ANK3: variants seen among roughly 807,000 people sequenced by gnomAD.
ANK3 encodes ankyrin-3.
In ANK3, 57 loss-of-function variants were observed where a neutral mutation model predicts 370.9. That is an observed-to-expected ratio of 0.15 (90% CI 0.12 to 0.19). ANK3 has a LOEUF of 0.19. Ranked by LOEUF, ANK3 falls within the 10% of genes least tolerant of loss-of-function variation. The pLI is 1.00. For synonymous variants in ANK3, 1,929 were observed against 1,946.3 expected, an observed-to-expected ratio of 0.99 and a Z score of 0.23; for missense variants, 4,439 against 5,302.1, an observed-to-expected ratio of 0.84 and a Z score of 5.06.
chr10:60,300,891 A>G (rs1328965062), intron 1 of ANK3, among the ~76,000 whole-genome samples: 1 of 152,052 alleles, frequency 6.6e-6, no homozygotes, highest in Non-Finnish European at 1.5e-5. Context: ...TCTAATGAAT[A>G]TATGTCTGCG....
At chr10:60,670,093 G>A (rs2079047086) in intron 1 of ANK3, among the ~76,000 whole-genome samples, 1 of 152,088 alleles carries the variant, frequency 6.6e-6, no homozygotes, top group Non-Finnish European at 1.5e-5. Flanking sequence ...CCAAAGTGCA[G>A]GATTACAGGC....
At chr10:60,190,928 C>G (rs183529024) in intron 16 of ANK3, among the ~76,000 whole-genome samples, 5 of 152,152 alleles carry the variant, frequency 3.3e-5, no homozygotes, top group Admixed American at 1.3e-4. Flanking sequence ...ACAAGAAAAG[C>G]CACATTCCTC....
At chr10:60,389,357 CA>C (rs1281503028) in intron 1 of ANK3, 67 bp downstream of exon 1, 3 of 1,452,934 alleles carry the variant, frequency 2.1e-6, no homozygotes, top group South Asian at 1.2e-5. Context: ...ATGCTTCTAA[CA>C]GATGCCAGAG....
chr10:60,291,640 G>A (rs2041423950), intron 1 of ANK3, among the ~76,000 whole-genome samples: 1 of 152,044 alleles, frequency 6.6e-6, no homozygotes, highest in South Asian at 2.1e-4. Flanking sequence ...CAAAGACGGA[G>A]CAGTGTTAAT....
intron 1 of ANK3, among the ~76,000 whole-genome samples, chr10:60,695,533 G>C (rs2079434119): frequency 6.6e-6 from 1 of 152,102 alleles, no homozygotes; most frequent in South Asian, 2.1e-4. Context: ...TAAAAGAACA[G>C]AAATTATAAC....
chr10:60,412,593 C>T (rs1412773318), intron 2 of ANK3, among the ~76,000 whole-genome samples: 1 of 152,170 alleles, frequency 6.6e-6, no homozygotes, highest in African/African-American at 2.4e-5. Context: ...GGTTCTGTTT[C>T]TCCAGAACAC....
chr10:60,069,360 T>G lies in ANK3; in HGVS notation c.11521A>C (p.Arg3841=). 1 of 1,614,120 alleles carries G rather than the reference T, an allele frequency of 6.2e-7. No homozygotes were observed. Among genetic ancestry groups the G allele is most frequent in the Non-Finnish European group, 8.5e-7 (1 of 1,180,028 alleles). Residue 3841 remains arginine, a synonymous_variant, in exon 37 of 44, where the codon AGA becomes CGA. Coordinates refer to ENST00000280772, the MANE Select transcript of ANK3 (RefSeq NM_020987.5). ...TCTCCAAGAACTTTCTGCTTATCTCTTACACAGTGTCCTTGTAGTACCCCT... is the reference window on the plus strand; with the variant it reads ...TCTCCAAGAACTTTCTGCTTATCTCGTACACAGTGTCCTTGTAGTACCCCT... ...KTGVLQGHCV[R]DKQKVLGEQQ...
intron 1 of ANK3, among the ~76,000 whole-genome samples, chr10:60,362,999 G>A (rs1406383102): frequency 2.8e-5 from 4 of 142,024 alleles, no homozygotes; most frequent in East Asian, 2.1e-4. Context: ...TTCCCAAGCC[G>A]TTTTCTTTTG....
intron 2 of ANK3, among the ~76,000 whole-genome samples, chr10:60,455,201 T>TA (rs1365508727): frequency 1.4e-4 from 21 of 152,320 alleles, no homozygotes; most frequent in Admixed American, 9.2e-4. Flanking sequence ...TTAGTGAGAA[T>TA]AATAAGGTTG....
intron 2 of ANK3, among the ~76,000 whole-genome samples, chr10:60,455,455 T>C (rs1251359099): frequency 6.6e-6 from 1 of 152,220 alleles, no homozygotes; most frequent in African/African-American, 2.4e-5. Context: ...CAACAAATAA[T>C]AACGCACTAG....
intron 25 of ANK3, among the ~76,000 whole-genome samples, chr10:60,118,995 T>G (rs2093299262): frequency 6.6e-6 from 1 of 152,208 alleles, no homozygotes; most frequent in East Asian, 1.9e-4. Context: ...TCATTGAAGC[T>G]TTGTTGTAAC....
chr10:60,300,450 T>C, intron 1 of ANK3: 1 of 1,286,332 alleles, frequency 7.8e-7, no homozygotes, highest in Non-Finnish European at 1.0e-6. Context: ...AATGTAAAGG[T>C]TTCCCCCACT....
chr10:60,272,776 CT>C (rs66866154), intron 4 of ANK3, among the ~76,000 whole-genome samples: 85 of 96,132 alleles, frequency 8.8e-4, no homozygotes, highest in Non-Finnish European at 1.0e-3. Flanking sequence ...CCACACCCAC[CT>C]TTTTTTTTTT....
At chr10:60,130,449 C>T (rs1378354688) in intron 25 of ANK3, among the ~76,000 whole-genome samples, 1 of 152,166 alleles carries the variant, frequency 6.6e-6, no homozygotes, top group Non-Finnish European at 1.5e-5. Flanking sequence ...TTCACCTTTA[C>T]TTGTCAGGGC....
At chr10:60,330,336 T>C (rs1330433017) in intron 1 of ANK3, among the ~76,000 whole-genome samples, 1 of 152,140 alleles carries the variant, frequency 6.6e-6, no homozygotes, top group Non-Finnish European at 1.5e-5. Context: ...ATCAACAGAC[T>C]GAACAGGCAG....
At chr10:60,564,257 A>G (rs2077407237) in intron 2 of ANK3, among the ~76,000 whole-genome samples, 1 of 152,210 alleles carries the variant, frequency 6.6e-6, no homozygotes, top group African/African-American at 2.4e-5. Flanking sequence ...TTCAACAATG[A>G]TGTTTAAAGT....
At chr10:60,650,080 A>G (rs1468686312) in intron 1 of ANK3, among the ~76,000 whole-genome samples, 1 of 152,216 alleles carries the variant, frequency 6.6e-6, no homozygotes, top group Non-Finnish European at 1.5e-5. Context: ...AAAAATATGC[A>G]CTGATGTACA....
At chr10:60,480,666 G>A (rs1022865594) in intron 2 of ANK3, among the ~76,000 whole-genome samples, 2 of 152,104 alleles carry the variant, frequency 1.3e-5, no homozygotes, top group African/African-American at 4.8e-5. Flanking sequence ...AATAAGGCAG[G>A]GGGAAAGGTT....
chr10:60,272,736 C>A (rs976372087), intron 4 of ANK3, among the ~76,000 whole-genome samples: 1 of 152,112 alleles, frequency 6.6e-6, no homozygotes, highest in African/African-American at 2.4e-5. Flanking sequence ...CCTCAGCCTC[C>A]CAAAGTGTTG....
Sources: gnomAD v4.1 joint callset for allele counts (sites outside exome capture counted in the v4.1 genomes callset) on GRCh38, gnomAD v4.1.1 for gene constraint, MANE v1.5 for transcripts, NCBI Gene and HGNC (gene_info 2026-07-23, HGNC 2026-07-21) for gene names.